COL24A1: variants seen among roughly 807,000 people sequenced by gnomAD.
The protein encoded by COL24A1 is collagen type XXIV alpha 1 chain.
A neutral mutation model predicts 253.9 loss-of-function variants in COL24A1; 224 were observed. That is an observed-to-expected ratio of 0.88 (90% CI 0.79 to 0.99). The LOEUF (loss-of-function observed/expected upper bound fraction) is 0.99, where lower values mean the gene tolerates loss of function less well. Among genes scored for constraint, COL24A1 ranks in the 50% least tolerant of loss-of-function variants. The probability of loss-of-function intolerance (pLI) is 0.00; values close to 1 mark genes in which losing one functional copy is unlikely to be tolerated. For synonymous variants in COL24A1, 685 were observed against 673.7 expected (o/e 1.02, Z -0.26); for missense variants, 2,131 against 2,068.5 (o/e 1.03, Z -0.59).
rs1669673873 is a variant in COL24A1, at chr1:85,786,272, C to T, written c.4059+82G>A. 8 of 1,175,070 alleles carry T rather than the reference C, an allele frequency of 6.8e-6. No homozygotes were observed. In the Admixed American group the frequency reaches 1.5e-4, roughly 22 times the overall value. The allele number at this position is 1,175,070 out of a possible 1,614,324, so 72.8% of individuals were successfully genotyped here. A position where few individuals can be genotyped will look rare whatever the true frequency, so the allele number is the denominator to read the frequency against. ...TTCTATTAAAAACTATTAATCTTAC[C>T]ATTCTGTGATCTAGCCAATGAACTC... On this transcript the variant is annotated intron_variant, in intron 48 of 59. Coordinates refer to ENST00000370571, the MANE Select transcript of COL24A1 (RefSeq NM_152890.7).
intron 35 of COL24A1, among the ~76,000 whole-genome samples, chr1:85,873,193 T>C (rs1056876388): frequency 2.0e-5 from 3 of 152,156 alleles, no homozygotes. Flanking sequence ...CAACAAATGC[T>C]GGAGAGGAGG....
In COL24A1 at chr1:85,877,173, T is replaced by A. The variant is rs1157083274; in HGVS notation, c.2979A>T (p.Gly993=). ...TGDRGLPGEP[G]LRGLQGDVGP... is the part of the protein sequence containing the mutation. ...CAACATCACCTTGCAGTCCTCGCAG[T>A]CCCTATATTAAAATAAAATTTAAGA... is the stretch of plus-strand genomic sequence containing the variant. The change falls in exon 33 of 60, where the codon GGA becomes GGT. Residue 993 remains glycine (G), a splice_region_variant and synonymous_variant. Coordinates refer to ENST00000370571, the MANE Select transcript of COL24A1 (RefSeq NM_152890.7). 6.3e-7 allele frequency: 1 copy of A among 1,595,738 alleles called. No homozygotes were observed. The highest frequency in any genetic ancestry group is 8.5e-7 in the Non-Finnish European group (1 of 1,172,508).
intron 32 of COL24A1, among the ~76,000 whole-genome samples, chr1:85,886,494 T>C (rs887899762): frequency 3.3e-5 from 5 of 151,692 alleles, no homozygotes; most frequent in African/African-American, 1.2e-4. Flanking sequence ...TGAAATCCTG[T>C]CTCTACTAAA....
chr1:85,791,459 G>A (rs981516933), intron 47 of COL24A1, among the ~76,000 whole-genome samples: 1 of 152,076 alleles, frequency 6.6e-6, no homozygotes, highest in African/African-American at 2.4e-5. Flanking sequence ...AGCATATGGT[G>A]GGTAGATTTT....
At chr1:86,152,612 A>T (rs999705160) in intron 1 of COL24A1, among the ~76,000 whole-genome samples, 20 of 152,196 alleles carry the variant, frequency 1.3e-4, no homozygotes, top group African/African-American at 4.6e-4. Flanking sequence ...AATTCTAAGC[A>T]TTCAAGCAAT....
At chr1:86,135,512 C>T (rs1650086688) in intron 2 of COL24A1, among the ~76,000 whole-genome samples, 1 of 151,626 alleles carries the variant, frequency 6.6e-6, no homozygotes, top group South Asian at 2.1e-4. Flanking sequence ...CTCTATAATC[C>T]TTTTTATTAT....
chr1:85,953,419 A>G (rs772778806), intron 24 of COL24A1, among the ~76,000 whole-genome samples: 10 of 152,178 alleles, frequency 6.6e-5, no homozygotes, highest in Non-Finnish European at 1.2e-4. Flanking sequence ...AACAATTTTT[A>G]CTTCTTTTTC....
At position 85,842,462 on chromosome 1, in the gene COL24A1, T is replaced by A. The variant is rs1347855137; in HGVS notation, c.3463-69A>T. 5 of 1,049,914 alleles carry A rather than the reference T, an allele frequency of 4.8e-6. No homozygotes were observed. The Admixed American group carries it at 1.1e-4, about 24-fold the overall frequency. The allele number at this position is 1,049,914 out of a possible 1,614,324, so 65.0% of individuals were successfully genotyped here. ...ATTGTTTAAATCATTAGACTTCTAC[T>A]CCTATTGTTTAAATTGTTACCTTTA... On this transcript the variant is annotated intron_variant, in intron 39 of 59. Transcript: ENST00000370571.
chr1:86,119,474 T>A (rs11161744), intron 3 of COL24A1, among the ~76,000 whole-genome samples: 26,558 of 152,044 alleles, frequency 0.17, 2,444 homozygotes, highest in South Asian at 0.27. Flanking sequence ...CTTTTTTATG[T>A]TCTACAACCA....
At chr1:86,032,717 G>C (rs1448988952) in intron 13 of COL24A1, among the ~76,000 whole-genome samples, 1 of 152,010 alleles carries the variant, frequency 6.6e-6, no homozygotes, top group Non-Finnish European at 1.5e-5. Flanking sequence ...TTATAAACCA[G>C]TAAACTAAAT....
chr1:86,148,672 C>T (rs1360278403), intron 1 of COL24A1, among the ~76,000 whole-genome samples: 1 of 152,162 alleles, frequency 6.6e-6, no homozygotes, highest in Non-Finnish European at 1.5e-5. Context: ...CTACAAAGGA[C>T]ATGAACTCAT....
chr1:85,915,809 C>T (rs547482165), intron 24 of COL24A1, among the ~76,000 whole-genome samples: 12 of 152,180 alleles, frequency 7.9e-5, no homozygotes, highest in East Asian at 5.8e-4. Flanking sequence ...GCACCGTGCC[C>T]GGCTAATTTT....
chr1:86,107,946 A>G lies in COL24A1; in HGVS notation c.1599+4621T>C, dbSNP rs536353716. On this transcript the variant is annotated intron_variant, in intron 5 of 59. Transcript: ENST00000370571. ...ACTATTGTTCAGGTTTATATGACTAAATCCCCAAGAGGCCTAAGTTTTTGC... is the reference window on the plus strand; with the variant it reads ...ACTATTGTTCAGGTTTATATGACTAGATCCCCAAGAGGCCTAAGTTTTTGC... 2.1e-4 allele frequency among the ~76,000 whole-genome samples: 32 copies of G among 152,232 alleles called. 1 individual carries two copies. The South Asian group carries it at 6.6e-3, about 32-fold the overall frequency.
intron 24 of COL24A1, among the ~76,000 whole-genome samples, chr1:85,948,507 G>C (rs1173839053): frequency 8.7e-6 from 1 of 115,254 alleles, no homozygotes; most frequent in South Asian, 3.0e-4. Flanking sequence ...CTGGGCGACA[G>C]AGCGAGACTC....
chr1:85,790,087 C>G (rs1670104406), intron 47 of COL24A1, among the ~76,000 whole-genome samples: 1 of 152,176 alleles, frequency 6.6e-6, no homozygotes, highest in South Asian at 2.1e-4. Context: ...GGAGGAGTCT[C>G]TTCTTTTCAA....
At chr1:85,772,393 G>A (rs1291976361) in intron 53 of COL24A1, among the ~76,000 whole-genome samples, 6 of 151,980 alleles carry the variant, frequency 3.9e-5, no homozygotes, top group Admixed American at 3.9e-4. Flanking sequence ...GTGGAAGTCA[G>A]TGTGGCGATT....
At chr1:85,747,139 TCTCG>T (rs1665311852) in intron 55 of COL24A1, among the ~76,000 whole-genome samples, 1 of 143,664 alleles carries the variant, frequency 7.0e-6, no homozygotes, top group Non-Finnish European at 1.5e-5. Context: ...TGAGATGGAG[TCTCG>T]CTCTGTCACC....
intron 46 of COL24A1, among the ~76,000 whole-genome samples, 169 bp from the exon 47 acceptor site, chr1:85,817,064 T>C (rs1274297815): frequency 6.6e-6 from 1 of 152,222 alleles, no homozygotes; most frequent in Non-Finnish European, 1.5e-5. Context: ...ATTCAACAGA[T>C]AACTTTAAAA....
intron 19 of COL24A1, among the ~76,000 whole-genome samples, chr1:85,997,089 G>A (rs938944867): frequency 1.8e-5 from 2 of 113,570 alleles, no homozygotes; most frequent in Non-Finnish European, 3.7e-5. Flanking sequence ...ATACCAGTTA[G>A]TAGAAATGTA....
Sources: gnomAD v4.1 joint callset for allele counts (sites outside exome capture counted in the v4.1 genomes callset) on GRCh38, gnomAD v4.1.1 for gene constraint, MANE v1.5 for transcripts, NCBI Gene and HGNC (gene_info 2026-07-23, HGNC 2026-07-21) for gene names.